Variants in ARHGAP21 observed in about 807,000 individuals in gnomAD.
The protein encoded by ARHGAP21 is Rho GTPase activating protein 21, also known as rho GTPase-activating protein 21.
Under a neutral mutation model 164.6 loss-of-function variants are expected in ARHGAP21, and 38 were observed. The ratio of observed to expected loss-of-function variants is 0.23; its 90% CI spans 0.18 to 0.30. The LOEUF (loss-of-function observed/expected upper bound fraction) is 0.30. Among genes scored for constraint, ARHGAP21 ranks in the 10% least tolerant of loss-of-function variants. ARHGAP21 has a pLI of 1.00. For synonymous variants in ARHGAP21, 766 were observed against 857.9 expected (o/e 0.89, Z 1.87); for missense variants, 1,822 against 2,370.7 (o/e 0.77, Z 4.81).
chr10:24,601,033 T>A, intron 13 of ARHGAP21, 103 bp from the exon 14 acceptor site: 1 of 1,347,816 alleles, frequency 7.4e-7, no homozygotes, highest in Non-Finnish European at 1.0e-6. Flanking sequence ...TACATATAAC[T>A]AGTGTAGCAG....
chr10:24,681,929 C>T (rs1259445584), intron 2 of ARHGAP21, among the ~76,000 whole-genome samples: 11 of 151,854 alleles, frequency 7.2e-5, no homozygotes, highest in Admixed American at 7.2e-4. Context: ...ACTAGACTGC[C>T]CGGGTCTGGA....
intron 8 of ARHGAP21, among the ~76,000 whole-genome samples, chr10:24,622,516 T>G (rs1834683589): frequency 7.2e-6 from 1 of 138,594 alleles, no homozygotes; most frequent in Non-Finnish European, 1.6e-5. Context: ...CGCTGTAGCA[T>G]CAGTTATGTA....
At chr10:24,602,186 CTTTA>C (rs753695202) in intron 12 of ARHGAP21, 83 bp from the exon 13 acceptor site, 43 of 1,474,470 alleles carry the variant, frequency 2.9e-5, no homozygotes, top group East Asian at 2.7e-4. Context: ...TTGTGGAAAA[CTTTA>C]TTTAATGTTT....
At chr10:24,628,985 T>TATACA (rs1835562452) in intron 7 of ARHGAP21, 1 of 40,530 alleles carries the variant, frequency 2.5e-5, no homozygotes, top group African/African-American at 9.8e-5. Flanking sequence ...TATATATATT[T>TATACA]TTTTTTTTTT....
At position 24,689,758 on chromosome 10, in the gene ARHGAP21, C is replaced by G. The variant is rs144980345; in HGVS notation, c.64-19361G>C. On this transcript the variant is annotated intron_variant, in intron 2 of 25. Coordinates refer to ENST00000396432, the MANE Select transcript of ARHGAP21 (RefSeq NM_020824.4). ...TCTCTTGTCTCAAAAATAATTATATCTATATGTATGTATATATGTGTGTGT... is the reference window on the plus strand; with the variant it reads ...TCTCTTGTCTCAAAAATAATTATATGTATATGTATGTATATATGTGTGTGT... Among the ~76,000 whole-genome samples, 230 of 150,420 alleles carry G rather than the reference C, an allele frequency of 1.5e-3. 5 individuals are homozygous for G. In the East Asian group the frequency reaches 0.038, roughly 25 times the overall value.
At chr10:24,596,719 C>T (rs769227604) in intron 17 of ARHGAP21, 21 bp downstream of exon 17, 20 of 1,612,918 alleles carry the variant, frequency 1.2e-5, no homozygotes, top group Middle Eastern at 1.7e-4. Flanking sequence ...TGAGGAAATC[C>T]GGTGGGCTGG....
At chr10:24,651,911 G>C (rs1050443590) in intron 4 of ARHGAP21, among the ~76,000 whole-genome samples, 4 of 151,984 alleles carry the variant, frequency 2.6e-5, no homozygotes, top group Non-Finnish European at 4.4e-5. Context: ...ATTCTAAGAA[G>C]ACATTCTACC....
chr10:24,603,500 ATT>A (rs1409938703), intron 12 of ARHGAP21, among the ~76,000 whole-genome samples: 1 of 152,172 alleles, frequency 6.6e-6, no homozygotes, highest in Non-Finnish European at 1.5e-5. Context: ...GAAGGTTTCT[ATT>A]TTAATGTAGG....
chr10:24,706,211 T>C (rs997312499), intron 2 of ARHGAP21, among the ~76,000 whole-genome samples: 1 of 152,218 alleles, frequency 6.6e-6, no homozygotes, highest in Non-Finnish European at 1.5e-5. Flanking sequence ...TACAATTATA[T>C]TGCTTTAATT....
At chr10:24,686,690 T>A (rs954406444) in intron 2 of ARHGAP21, among the ~76,000 whole-genome samples, 1 of 152,198 alleles carries the variant, frequency 6.6e-6, no homozygotes, top group Non-Finnish European at 1.5e-5. Flanking sequence ...TCCTGAACGA[T>A]TCATGGATTT....
chr10:24,616,952 T>C (rs144995513), intron 9 of ARHGAP21, among the ~76,000 whole-genome samples: 13 of 152,292 alleles, frequency 8.5e-5, no homozygotes, highest in Non-Finnish European at 1.6e-4. Flanking sequence ...TTTTGTTTTG[T>C]ATGCCTGTAT....
chr10:24,586,219 G>A, intron 25 of ARHGAP21, 113 bp from the exon 26 acceptor site: 3 of 1,334,900 alleles, frequency 2.2e-6, no homozygotes, highest in South Asian at 3.4e-5. Flanking sequence ...TAAAGCTCTG[G>A]AAGCATTAAC....
At chr10:24,686,805 C>T (rs1057470679) in intron 2 of ARHGAP21, among the ~76,000 whole-genome samples, 7 of 152,172 alleles carry the variant, frequency 4.6e-5, no homozygotes, top group African/African-American at 9.6e-5. Flanking sequence ...ACATGTTTCC[C>T]GTGTACTAAC....
chr10:24,655,787 G>A (rs1288068127), intron 4 of ARHGAP21, among the ~76,000 whole-genome samples: 6 of 137,900 alleles, frequency 4.4e-5, no homozygotes, highest in East Asian at 4.4e-4. Flanking sequence ...CTTCCCAGCC[G>A]CCATCACATC....
chr10:24,594,591 C>T (rs2076495651), intron 21 of ARHGAP21, among the ~76,000 whole-genome samples: 1 of 148,678 alleles, frequency 6.7e-6, no homozygotes, highest in African/African-American at 2.5e-5. Context: ...ATGAAAATGA[C>T]TTATCTGTTT....
intron 21 of ARHGAP21, among the ~76,000 whole-genome samples, chr10:24,593,303 C>A (rs143880945): frequency 6.6e-6 from 1 of 152,128 alleles, no homozygotes; most frequent in Non-Finnish European, 1.5e-5. Context: ...ACTGGGCACC[C>A]AGAAATGTTT....
rs141120989 is a variant in ARHGAP21, at chr10:24,652,210, A to G, written c.268+14775T>C. ...CTAGAAACAGATCTACACACATACAATTTATGATCAAGGTGGTATTACAGA... is the reference window on the plus strand; with the variant it reads ...CTAGAAACAGATCTACACACATACAGTTTATGATCAAGGTGGTATTACAGA... On this transcript the variant is annotated intron_variant, in intron 4 of 25. Transcript: ENST00000396432. Among the ~76,000 whole-genome samples, 467 of 152,342 alleles carry G rather than the reference A, an allele frequency of 3.1e-3. 11 individuals are homozygous for G. The highest frequency in any genetic ancestry group is 0.027 in the East Asian group (142 of 5,190).
At chr10:24,722,803 G>A (rs917813444) in intron 1 of ARHGAP21, 1 of 151,922 alleles carries the variant, frequency 6.6e-6, no homozygotes, top group Non-Finnish European at 1.5e-5. Flanking sequence ...CCGAGGAGGC[G>A]GCTGTTTTCC....
At chr10:24,670,465 A>G in intron 2 of ARHGAP21, 68 bp from the exon 3 acceptor site, 1 of 1,100,648 alleles carries the variant, frequency 9.1e-7, no homozygotes, top group Admixed American at 3.2e-5. Context: ...AAAAAATTCT[A>G]TGTAAAAATG....
Sources: allele counts gnomAD v4.1 joint callset (sites outside exome capture counted in the v4.1 genomes callset), GRCh38; gene constraint gnomAD v4.1.1; transcripts MANE v1.5; gene names NCBI Gene and HGNC (gene_info 2026-07-23, HGNC 2026-07-21).